Variants in TTPAL observed in about 807,000 individuals in gnomAD.
The protein encoded by TTPAL is alpha tocopherol transfer protein like, also known as alpha-tocopherol transfer protein-like.
TTPAL carries 21 observed loss-of-function variants against 28.7 expected under a neutral mutation model. That is an observed-to-expected ratio of 0.73 (90% CI 0.52 to 1.06). The LOEUF (loss-of-function observed/expected upper bound fraction) is 1.06. Among genes scored for constraint, TTPAL ranks in the 50% least tolerant of loss-of-function variants. The pLI is 0.00. For synonymous variants in TTPAL, 169 were observed against 171.9 expected, an observed-to-expected ratio of 0.98 and a Z score of 0.13; for missense variants, 345 against 425.5, an observed-to-expected ratio of 0.81 and a Z score of 1.67.
In TTPAL at chr20:44,493,368, A is replaced by G. The variant is rs956980370; in HGVS notation, c.*3827A>G. The G allele has an allele frequency of 1.3e-5, 2 of 152,336 alleles. No homozygotes were observed. The highest frequency in any genetic ancestry group is 2.9e-5 in the Non-Finnish European group (2 of 68,022). The allele number at this position is 152,336 out of a possible 1,614,324, so 9.4% of individuals were successfully genotyped here. ...GAGGCTTTTCTCTGAATTCCTTTAT[A>G]TTGAGCCTTTCAGAATTCTCCCTGG... On this transcript the variant is annotated 3_prime_UTR_variant, in exon 5 of 5. Coordinates refer to ENST00000262605, the MANE Select transcript of TTPAL (RefSeq NM_001039199.3).
intron 3 of TTPAL, among the ~76,000 whole-genome samples, chr20:44,485,252 G>C (rs2064141521): frequency 6.6e-6 from 1 of 152,098 alleles, no homozygotes; most frequent in South Asian, 2.1e-4. Flanking sequence ...CTCATGTTCT[G>C]TGTTTCAGAA....
chr20:44,487,585 G>T (rs1387753168), intron 4 of TTPAL, among the ~76,000 whole-genome samples: 1 of 152,218 alleles, frequency 6.6e-6, no homozygotes, highest in Non-Finnish European at 1.5e-5. Flanking sequence ...TACGAGCTAT[G>T]TGAGTTTTTA....
chr20:44,479,085 G>A (rs775044677), intron 1 of TTPAL, among the ~76,000 whole-genome samples: 1 of 152,072 alleles, frequency 6.6e-6, no homozygotes, highest in African/African-American at 2.4e-5. Flanking sequence ...CACCGCGCCC[G>A]GCCCCCTAAT....
In TTPAL at chr20:44,480,416, G is replaced by T; in HGVS notation, c.417G>T (p.Arg139Ser). 1 of 1,608,326 alleles carries T rather than the reference G, an allele frequency of 6.2e-7. No homozygotes were observed. The highest frequency in any genetic ancestry group is 8.5e-7 in the Non-Finnish European group (1 of 1,176,054). ...CCGTGCTGCCCCACACTGACCCCAG[G>T]GGCTGCCATGTCGTCTGCATCCGCC... Reference protein sequence around the residue: ...FLTVLPHTDPRGCHVVCIRPD... With the variant: ...FLTVLPHTDPSGCHVVCIRPD... The change falls in exon 2 of 5, where the codon AGG (arginine) becomes AGT (serine). Residue 139 changes from arginine (R) to serine (S), a missense_variant. Arg to Ser is a moderately radical substitution (Grantham distance 110). Coordinates refer to ENST00000262605, the MANE Select transcript of TTPAL (RefSeq NM_001039199.3). The surrounding 1 kb of genome is among the most constrained non-coding windows in gnomAD (Gnocchi z 4.1).
At chr20:44,488,568 G>C (rs1022171463) in intron 4 of TTPAL, among the ~76,000 whole-genome samples, 1 of 152,174 alleles carries the variant, frequency 6.6e-6, no homozygotes, top group African/African-American at 2.4e-5. Context: ...AAATAAAGCA[G>C]AGAAAAGTAT....
chr20:44,489,068 A>G (rs996080403), intron 4 of TTPAL, among the ~76,000 whole-genome samples, 195 bp from the exon 5 acceptor site: 10 of 152,200 alleles, frequency 6.6e-5, no homozygotes, highest in African/African-American at 2.4e-4. Flanking sequence ...GCTCCAGCCA[A>G]CAGGATGTAT....
rs1368569462 is a variant in TTPAL at position 44,493,399 on chromosome 20, C to G, written c.*3858C>G. 2 of 152,240 alleles carry G rather than the reference C, an allele frequency of 1.3e-5. No individual in the cohort carries two copies. Among genetic ancestry groups the G allele is most frequent in the African/African-American group, 4.8e-5 (2 of 41,418 alleles). 9.4% of individuals were successfully genotyped at this position (152,240 alleles called of 1,614,324 possible). On this transcript the variant is annotated 3_prime_UTR_variant, in exon 5 of 5. Coordinates refer to ENST00000262605, the MANE Select transcript of TTPAL (RefSeq NM_001039199.3). ...CCTTTCAGAATTCTCCCTGGGTGGG[C>G]AATTTCTTTAAATAGTATTTGACCC...
At chr20:44,487,429 TG>T (rs2064162410) in intron 4 of TTPAL, among the ~76,000 whole-genome samples, 2 of 152,214 alleles carry the variant, frequency 1.3e-5, no homozygotes, top group South Asian at 4.1e-4. Flanking sequence ...TGTTCCAGCC[TG>T]GGTAACAGAG....
At chr20:44,485,475 G>T (rs939046193) in intron 3 of TTPAL, among the ~76,000 whole-genome samples, 1 of 152,122 alleles carries the variant, frequency 6.6e-6, no homozygotes, top group Non-Finnish European at 1.5e-5. Context: ...TTGATTACTT[G>T]TTCATTCTGA....
intron 2 of TTPAL, among the ~76,000 whole-genome samples, chr20:44,482,498 G>C (rs969158478): frequency 6.7e-6 from 1 of 149,936 alleles, no homozygotes; most frequent in African/African-American, 2.5e-5. Context: ...GCTTGAACCC[G>C]GGAGGCAGAG....
At position 44,479,913 on chromosome 20, in the gene TTPAL, C is replaced by A. The variant is rs971707525; in HGVS notation, c.-15-72C>A. On this transcript the variant is annotated intron_variant, in intron 1 of 4. Transcript: ENST00000262605. ...TCGGTTTTTACAGAAGTGTTCCTGT[C>A]CCCTACACTGTACTGCCCTAGGATT... is the stretch of plus-strand genomic sequence containing the variant. 4 of 1,283,264 alleles carry A rather than the reference C, an allele frequency of 3.1e-6. No homozygotes were observed. In the African/African-American group the frequency reaches 5.9e-5, roughly 19 times the overall value. The allele number at this position is 1,283,264 out of a possible 1,614,324, so 79.5% of individuals were successfully genotyped here.
chr20:44,478,446 C>G (rs1028074652), intron 1 of TTPAL, among the ~76,000 whole-genome samples: 1 of 152,228 alleles, frequency 6.6e-6, no homozygotes, highest in Non-Finnish European at 1.5e-5. Context: ...GTTCTGGCTT[C>G]CCCTGGATAG....
At chr20:44,478,185 G>T (rs114414410) in intron 1 of TTPAL, among the ~76,000 whole-genome samples, 1,784 of 152,334 alleles carry the variant, frequency 0.012, 46 homozygotes, top group African/African-American at 0.041. Flanking sequence ...GAGGTTAGAC[G>T]TGCTAGAAAT....
intron 2 of TTPAL, among the ~76,000 whole-genome samples, chr20:44,483,643 T>C (rs946008495): frequency 6.6e-6 from 1 of 152,100 alleles, no homozygotes; most frequent in Non-Finnish European, 1.5e-5. Flanking sequence ...GGGAAATACA[T>C]GATGGCAGAA....
Position 44,489,728 on chromosome 20 carries a change from G to A in TTPAL, c.*187G>A, listed in dbSNP as rs1245193221. On this transcript the variant is annotated 3_prime_UTR_variant, in exon 5 of 5. Transcript: ENST00000262605. ...CTTTGGTTACTTTAATTACTCCATG[G>A]AAGACATGGAAAATGTCCCCACTGA... The A allele has an allele frequency of 3.3e-6, 2 of 601,606 alleles. No homozygotes were observed. The highest frequency in any genetic ancestry group is 5.7e-6 in the Non-Finnish European group (2 of 349,992). 37.3% of individuals were successfully genotyped at this position (601,606 alleles called of 1,614,324 possible).
At chr20:44,487,180 G>A (rs915789705) in intron 4 of TTPAL, among the ~76,000 whole-genome samples, 1 of 152,008 alleles carries the variant, frequency 6.6e-6, no homozygotes, top group Admixed American at 6.5e-5. Context: ...TACTTGGGAG[G>A]CTGAGGGAGG....
chr20:44,476,333 TC>T (rs1568764717), intron 1 of TTPAL, among the ~76,000 whole-genome samples: 4 of 152,132 alleles, frequency 2.6e-5, no homozygotes, highest in Non-Finnish European at 5.9e-5. Context: ...GCCTGTCAGC[TC>T]ATTCACCAGC....
Position 44,486,645 on chromosome 20 carries a change from G to A in TTPAL, c.689G>A (p.Arg230Gln), listed in dbSNP as rs1298272948. Residue 230 changes from arginine to glutamine, a missense_variant, in exon 4 of 5, where the codon CGA becomes CAA. Transcript: ENST00000262605. ...GCAGTCCATGTGGTGAATGAACCTC[G>A]AATATTTAAAGGCATTTTTGCCATC... The part of the protein sequence containing the change: ...IKAVHVVNEP[R>Q]IFKGIFAIIK... 5.0e-6 allele frequency: 8 copies of A among 1,613,556 alleles called. No homozygotes were observed. The highest frequency in any genetic ancestry group is 4.5e-5 in the East Asian group (2 of 44,842).
intron 2 of TTPAL, among the ~76,000 whole-genome samples, chr20:44,482,153 TGAAAGGGATGATATCCA>T (rs2064111245): frequency 6.6e-6 from 1 of 152,184 alleles, no homozygotes; most frequent in Non-Finnish European, 1.5e-5. Flanking sequence ...GACATGTGAT[TGAAAGGGATGATATCCA>T]GTTACATAGA....
Sources: allele counts gnomAD v4.1 joint callset (sites outside exome capture counted in the v4.1 genomes callset), GRCh38; gene constraint gnomAD v4.1.1; non-coding constraint Gnocchi (gnomAD v3.1); transcripts MANE v1.5; gene names NCBI Gene and HGNC (gene_info 2026-07-23, HGNC 2026-07-21).